The following PALM2AKAP2 variants were observed in gnomAD, a reference collection of about 807,000 sequenced individuals.
PALM2AKAP2 encodes the protein PALM2 and AKAP2 fusion.
A neutral mutation model predicts 71.5 loss-of-function variants in PALM2AKAP2; 37 were observed. The ratio of observed to expected loss-of-function variants is 0.52; its 90% CI spans 0.40 to 0.68. PALM2AKAP2 has a LOEUF of 0.68. Among genes scored for constraint, PALM2AKAP2 ranks in the 30% least tolerant of loss-of-function variants. The pLI, the probability that PALM2AKAP2 is intolerant of heterozygous loss-of-function variation, is 0.00. For synonymous variants in PALM2AKAP2, 468 were observed against 478.8 expected (o/e 0.98, Z 0.29); for missense variants, 1,224 against 1,191.8 (o/e 1.03, Z -0.40).
rs768482563 is a variant in PALM2AKAP2, at chr9:110,016,055, CA to C, written c.582+17del. 10 of 1,609,818 alleles carry C rather than the reference CA, an allele frequency of 6.2e-6. No homozygotes were observed. In the South Asian group the frequency reaches 9.9e-5, roughly 16 times the overall value. On this transcript the variant is annotated intron_variant, in intron 7 of 9. Coordinates refer to the PALM2AKAP2 transcript ENST00000302798. ...GACTATCAAGGTAAGGGATTCTCTT[CA>C]GGTTGATTCTCAAAGTGTATCTCTA... is the stretch of plus-strand genomic sequence containing the variant.
chr9:110,148,320 A>T (rs1365947451), intron 2 of PALM2AKAP2, among the ~76,000 whole-genome samples: 2 of 152,194 alleles, frequency 1.3e-5, no homozygotes, highest in East Asian at 3.8e-4. Context: ...CAACAACTTG[A>T]CTTACCTTTA....
At chr9:110,111,953 C>T (rs1253154534) in intron 1 of PALM2AKAP2, among the ~76,000 whole-genome samples, 1 of 152,098 alleles carries the variant, frequency 6.6e-6, no homozygotes, top group Admixed American at 6.6e-5. Flanking sequence ...TTCTGCCCTG[C>T]ATGTTGGGGA....
At chr9:109,895,087 T>C (rs1406182807) in intron 3 of PALM2AKAP2, among the ~76,000 whole-genome samples, 1 of 152,184 alleles carries the variant, frequency 6.6e-6, no homozygotes, top group East Asian at 1.9e-4. Flanking sequence ...ACACAGCCAG[T>C]CAGATTTTCC....
intron 1 of PALM2AKAP2, among the ~76,000 whole-genome samples, chr9:109,813,705 A>G (rs1247043988): frequency 6.6e-6 from 1 of 152,160 alleles, no homozygotes; most frequent in Non-Finnish European, 1.5e-5. Flanking sequence ...AGCTGCTCCC[A>G]GCCATCCTAG....
At chr9:110,067,374 T>TA (rs1456465016) in intron 1 of PALM2AKAP2, among the ~76,000 whole-genome samples, 2 of 152,264 alleles carry the variant, frequency 1.3e-5, no homozygotes, top group African/African-American at 4.8e-5. Context: ...AAAGGTCTTC[T>TA]AGAATGTAAG....
intron 1 of PALM2AKAP2, among the ~76,000 whole-genome samples, chr9:110,088,706 T>TTG (rs1457002336): frequency 0.033 from 1,926 of 59,132 alleles, 94 homozygotes; most frequent in Non-Finnish European, 0.048. Flanking sequence ...TTTACGTGTT[T>TTG]TTTTTTTTTT....
At chr9:110,005,388 T>C (rs1832758752) in intron 6 of PALM2AKAP2, among the ~76,000 whole-genome samples, 1 of 152,200 alleles carries the variant, frequency 6.6e-6, no homozygotes, top group Non-Finnish European at 1.5e-5. Context: ...CCTCTGGAAG[T>C]TTTGTCTCAG....
intron 7 of PALM2AKAP2, among the ~76,000 whole-genome samples, chr9:110,033,832 G>A (rs945224323): frequency 2.0e-5 from 3 of 152,146 alleles, no homozygotes; most frequent in Non-Finnish European, 2.9e-5. Context: ...TGGCACAGAT[G>A]AATACAAATA....
intron 1 of PALM2AKAP2, among the ~76,000 whole-genome samples, chr9:109,762,535 A>G (rs1829071747): frequency 1.3e-5 from 2 of 152,316 alleles, no homozygotes; most frequent in African/African-American, 4.8e-5. Flanking sequence ...CCAGACCCAC[A>G]GAAGGGATTA....
Position 109,863,478 on chromosome 9 carries a change from G to A in PALM2AKAP2, c.46-4013G>A, listed in dbSNP as rs116449503. ...TGACTGCATGTGTTTGAGTTTGGGGGAGTGACTATGAATAGTTGGCAGTTC... is the reference window on the plus strand; with the variant it reads ...TGACTGCATGTGTTTGAGTTTGGGGAAGTGACTATGAATAGTTGGCAGTTC... On this transcript the variant is annotated intron_variant, in intron 1 of 9. Coordinates refer to the PALM2AKAP2 transcript ENST00000302798. Among the ~76,000 whole-genome samples the A allele has an allele frequency of 2.5e-3, 388 of 152,274 alleles. 2 individuals carry two copies. Among genetic ancestry groups the A allele is most frequent in the African/African-American group, 9.2e-3 (381 of 41,548 alleles).
chr9:109,869,571 A>C (rs573378161), intron 2 of PALM2AKAP2, among the ~76,000 whole-genome samples: 13 of 151,168 alleles, frequency 8.6e-5, no homozygotes, highest in African/African-American at 3.2e-4. Flanking sequence ...ATCTCCTGAC[A>C]TTGTGATCCA....
chr9:109,858,105 A>G (rs1186236289), intron 1 of PALM2AKAP2, among the ~76,000 whole-genome samples: 1 of 152,172 alleles, frequency 6.6e-6, no homozygotes, highest in Admixed American at 6.5e-5. Flanking sequence ...TCTCATTTCA[A>G]TCCTGCAGTA....
chr9:109,762,203 C>A (rs1829066269), intron 1 of PALM2AKAP2, among the ~76,000 whole-genome samples: 1 of 151,330 alleles, frequency 6.6e-6, no homozygotes, highest in Non-Finnish European at 1.5e-5. Flanking sequence ...CTATGTAGTT[C>A]CCAAAGAGGT....
intron 2 of PALM2AKAP2, among the ~76,000 whole-genome samples, chr9:109,876,540 G>A (rs576616046): frequency 5.9e-5 from 9 of 152,122 alleles, no homozygotes; most frequent in East Asian, 3.9e-4. Flanking sequence ...GTGCAGTGGC[G>A]TGATCTTCGG....
At chr9:109,737,423 G>T (rs1041803835) in intron 1 of PALM2AKAP2, among the ~76,000 whole-genome samples, 1 of 152,258 alleles carries the variant, frequency 6.6e-6, no homozygotes, top group Non-Finnish European at 1.5e-5. Flanking sequence ...GTGAGGTTCA[G>T]CTTGATTGTA....
At chr9:109,649,177 G>A (rs1455273329) in intron 1 of PALM2AKAP2, among the ~76,000 whole-genome samples, 1 of 151,752 alleles carries the variant, frequency 6.6e-6, no homozygotes, top group Non-Finnish European at 1.5e-5. Context: ...CTGGAAAATG[G>A]TAGTTCCTTT....
chr9:110,166,517 C>A (rs1197240659), intron 3 of PALM2AKAP2, among the ~76,000 whole-genome samples: 1 of 152,176 alleles, frequency 6.6e-6, no homozygotes, highest in African/African-American at 2.4e-5. Flanking sequence ...TAGAAAATTT[C>A]TCTATTTAAC....
intron 1 of PALM2AKAP2, among the ~76,000 whole-genome samples, chr9:109,682,081 A>T (rs1827744025): frequency 6.6e-6 from 1 of 152,186 alleles, no homozygotes; most frequent in Non-Finnish European, 1.5e-5. Flanking sequence ...AATTAATAAC[A>T]TGTAGTAATT....
intron 1 of PALM2AKAP2, among the ~76,000 whole-genome samples, chr9:109,766,160 T>C (rs927749623): frequency 6.6e-6 from 1 of 152,216 alleles, no homozygotes; most frequent in African/African-American, 2.4e-5. Context: ...CACTGAGCAC[T>C]TAGCTCTTTA....
Sources: gnomAD v4.1 joint callset for allele counts (sites outside exome capture counted in the v4.1 genomes callset) on GRCh38, gnomAD v4.1.1 for gene constraint, MANE v1.5 for transcripts, NCBI Gene and HGNC (gene_info 2026-07-23, HGNC 2026-07-21) for gene names.